Variants in KSR1 observed in about 807,000 individuals in gnomAD.
KSR1 encodes kinase suppressor of ras.
Under a neutral mutation model 92.9 loss-of-function variants are expected in KSR1, and 35 were observed. That is an observed-to-expected ratio of 0.38 (90% CI 0.29 to 0.50). The LOEUF is 0.50. Among genes scored for constraint, KSR1 ranks in the 20% least tolerant of loss-of-function variants. The pLI, the probability that KSR1 is intolerant of heterozygous loss-of-function variation, is 0.94. For missense variants in KSR1, 972 were observed against 1,158.5 expected (o/e 0.84, Z 2.34); for synonymous variants, 467 against 472.6 (o/e 0.99, Z 0.15).
rs919971514 is a variant in KSR1 at position 27,482,052 on chromosome 17, C to T, written c.231+25178C>T. ...TGTTTTTGAGGGTTAAATGTTATAG[C>T]GCATGCCAGCTGCTTAGTAAAAAGC... is the stretch of plus-strand genomic sequence containing the variant. On this transcript the variant is annotated intron_variant, in intron 1 of 20. Coordinates refer to ENST00000644974, the MANE Select transcript of KSR1 (RefSeq NM_001394583.1). Among the ~76,000 whole-genome samples the T allele has an allele frequency of 5.3e-5, 8 of 152,072 alleles. No individual in the cohort carries two copies. In the East Asian group the frequency reaches 1.2e-3, roughly 22 times the overall value.
In KSR1 at chr17:27,527,877, G is replaced by A. The variant is rs138830969; in HGVS notation, c.232-22691G>A. Among the ~76,000 whole-genome samples, 583 of 152,238 alleles carry A rather than the reference G, an allele frequency of 3.8e-3. 5 individuals are homozygous for A. The highest frequency in any genetic ancestry group is 0.012 in the African/African-American group (503 of 41,532). ...TTTCTGAAATTGGGAGGCTTTGTACGATGTCTTTAATGTAGTAATTCTTTG... is the reference window on the plus strand; with the variant it reads ...TTTCTGAAATTGGGAGGCTTTGTACAATGTCTTTAATGTAGTAATTCTTTG... On this transcript the variant is annotated intron_variant, in intron 1 of 20. Transcript: ENST00000644974.
Position 27,456,458 on chromosome 17 carries a change from CTTTCGCTTTGCTGCCGCG to C in KSR1, c.-185_-168del, listed in dbSNP as rs2019161579. 1 of 382,404 alleles carries C rather than the reference CTTTCGCTTTGCTGCCGCG, an allele frequency of 2.6e-6. No homozygotes were observed. Among genetic ancestry groups the C allele is most frequent in the Non-Finnish European group, 4.6e-6 (1 of 218,236 alleles). 23.7% of individuals were successfully genotyped at this position (382,404 alleles called of 1,614,324 possible). ...AGCCGCAGCCGTCGGGTCGCCGCGGCTTTCGCTTTGCTGCCGCGGCTGGGAGGGTGGAAGCGGCAGACT... is the reference window on the plus strand; with the variant it reads ...AGCCGCAGCCGTCGGGTCGCCGCGGCGCTGGGAGGGTGGAAGCGGCAGACT... On this transcript the variant is annotated 5_prime_UTR_variant, in exon 1 of 21. Coordinates refer to ENST00000644974, the MANE Select transcript of KSR1 (RefSeq NM_001394583.1).
intron 18 of KSR1, among the ~76,000 whole-genome samples, chr17:27,614,456 A>G (rs1321036251): frequency 6.6e-6 from 1 of 152,240 alleles, no homozygotes; most frequent in Non-Finnish European, 1.5e-5. Context: ...ATCTTGGAGC[A>G]GAGAATGGTA....
At chr17:27,583,228 C>T in intron 4 of KSR1, 123 bp downstream of exon 4, 1 of 673,356 alleles carries the variant, frequency 1.5e-6, no homozygotes, top group South Asian at 2.0e-5. Flanking sequence ...GTAAAAGGTG[C>T]CCCCATCTTT....
At chr17:27,530,104 G>C (rs922440347) in intron 1 of KSR1, among the ~76,000 whole-genome samples, 18 of 152,284 alleles carry the variant, frequency 1.2e-4, no homozygotes, top group African/African-American at 3.8e-4. Context: ...GCCACCTTAT[G>C]AAATTGCTCT....
intron 1 of KSR1, among the ~76,000 whole-genome samples, chr17:27,509,899 G>T (rs941452096): frequency 6.6e-6 from 1 of 152,186 alleles, no homozygotes; most frequent in Non-Finnish European, 1.5e-5. Flanking sequence ...AGGCCACGTT[G>T]GGCGAGCAGG....
chr17:27,610,185 G>A lies in KSR1; in HGVS notation c.2344G>A (p.Val782Ile). 2.5e-6 allele frequency: 4 copies of A among 1,614,006 alleles called. No homozygotes were observed. Among genetic ancestry groups the A allele is most frequent in the Non-Finnish European group, 3.4e-6 (4 of 1,179,844 alleles). The change falls in exon 17 of 21, where the codon GTC (valine) becomes ATC (isoleucine). Residue 782 changes from valine (V) to isoleucine (I), a missense_variant. By Grantham distance (29) the Val-to-Ile change is conservative (BLOSUM62 3). Around this residue, in one of 5 missense-constraint regions of KSR1, gnomAD observed 260 missense variants for 375.2 expected, o/e 0.69. Coordinates refer to ENST00000644974, the MANE Select transcript of KSR1 (RefSeq NM_001394583.1). ...DQLPFSKAAD[V>I]YAFGTVWYEL... ...GCTGCCATTCTCCAAAGCTGCTGAT[G>A]TCTATGCATTTGGGTGAGTAGGCCC...
chr17:27,557,699 G>C (rs548332335), intron 2 of KSR1, among the ~76,000 whole-genome samples: 9 of 152,298 alleles, frequency 5.9e-5, no homozygotes, highest in African/African-American at 2.2e-4. Flanking sequence ...GCTGCTTCTG[G>C]ACAGTAAAGA....
At chr17:27,589,092 C>T (rs2073077067) in intron 6 of KSR1, among the ~76,000 whole-genome samples, 2 of 152,224 alleles carry the variant, frequency 1.3e-5, no homozygotes, top group South Asian at 2.1e-4. Flanking sequence ...TTAAAAGGCA[C>T]GCCATGCAGT....
At chr17:27,530,981 C>G (rs751271224) in intron 1 of KSR1, among the ~76,000 whole-genome samples, 4 of 152,358 alleles carry the variant, frequency 2.6e-5, no homozygotes, top group South Asian at 2.1e-4. Flanking sequence ...ACCTCCTTAG[C>G]TGTGCTTCCA....
chr17:27,603,750 G>C (rs2073649211), intron 11 of KSR1, 84 bp from the exon 12 acceptor site: 2 of 1,373,614 alleles, frequency 1.5e-6, no homozygotes, highest in Admixed American at 3.5e-5. Context: ...CAGCCTCTCT[G>C]GGGGTGCTGG....
chr17:27,456,465 T>G lies in KSR1; in HGVS notation c.-179T>G. On this transcript the variant is annotated 5_prime_UTR_variant, in exon 1 of 21. Transcript: ENST00000644974. ...GCCGTCGGGTCGCCGCGGCTTTCGCTTTGCTGCCGCGGCTGGGAGGGTGGA... is the reference window on the plus strand; with the variant it reads ...GCCGTCGGGTCGCCGCGGCTTTCGCGTTGCTGCCGCGGCTGGGAGGGTGGA... 1.1e-5 allele frequency: 4 copies of G among 374,330 alleles called. No individual in the cohort carries two copies. Among genetic ancestry groups the G allele is most frequent in the Non-Finnish European group, 1.4e-5 (3 of 213,674 alleles). The allele number at this position is 374,330 out of a possible 1,614,324, so 23.2% of individuals were successfully genotyped here.
intron 9 of KSR1, among the ~76,000 whole-genome samples, chr17:27,594,301 C>T (rs1334312699): frequency 6.6e-6 from 1 of 152,154 alleles, no homozygotes; most frequent in African/African-American, 2.4e-5. Flanking sequence ...CAGCCCGTCA[C>T]AGATAGGATC....
chr17:27,518,204 G>A (rs890139217), intron 1 of KSR1, among the ~76,000 whole-genome samples: 15 of 152,238 alleles, frequency 9.9e-5, no homozygotes, highest in Non-Finnish European at 1.6e-4. Flanking sequence ...GCTTTGTAGG[G>A]AGCAGGGCAT....
At chr17:27,468,251 T>C (rs2019801105) in intron 1 of KSR1, among the ~76,000 whole-genome samples, 1 of 151,928 alleles carries the variant, frequency 6.6e-6, no homozygotes, top group African/African-American at 2.4e-5. Context: ...TTTTTTTTTT[T>C]CTGAGATGGA....
intron 9 of KSR1, among the ~76,000 whole-genome samples, chr17:27,593,882 A>G (rs1166766645): frequency 1.3e-5 from 2 of 152,198 alleles, no homozygotes; most frequent in African/African-American, 4.8e-5. Flanking sequence ...CTTCTCACAG[A>G]TGTCACTCGT....
At chr17:27,564,413 A>C (rs779341389) in intron 2 of KSR1, among the ~76,000 whole-genome samples, 53 of 152,156 alleles carry the variant, frequency 3.5e-4, no homozygotes, top group Non-Finnish European at 6.2e-4. Flanking sequence ...CCTAGTTAGA[A>C]CTTTTTTCAA....
At chr17:27,546,470 G>A (rs979570846) in intron 1 of KSR1, among the ~76,000 whole-genome samples, 1 of 152,194 alleles carries the variant, frequency 6.6e-6, no homozygotes, top group Non-Finnish European at 1.5e-5. Flanking sequence ...GGGAGCTCGT[G>A]TCTATTGGGG....
intron 1 of KSR1, among the ~76,000 whole-genome samples, chr17:27,514,561 G>A (rs2069718863): frequency 1.3e-5 from 2 of 151,912 alleles, no homozygotes. Flanking sequence ...TCAGGAAGCT[G>A]AGGCAGGAGA....
Sources: gnomAD v4.1 joint callset for allele counts (sites outside exome capture counted in the v4.1 genomes callset) on GRCh38, gnomAD v4.1.1 for gene constraint, gnomAD v4.1.1 regional missense constraint, MANE v1.5 for transcripts, NCBI Gene and HGNC (gene_info 2026-07-23, HGNC 2026-07-21) for gene names.